Variants in AXIN1 observed in about 807,000 individuals in gnomAD.
AXIN1 encodes axin 1.
AXIN1 carries 30 observed loss-of-function variants against 76.4 expected under a neutral mutation model. The observed-to-expected ratio is 0.39, with a 90% CI of 0.29 to 0.53. AXIN1 has a LOEUF of 0.53. Ranked by LOEUF, AXIN1 falls within the 20% of genes least tolerant of loss-of-function variation. AXIN1 has a pLI of 0.66. For missense variants in AXIN1, 1,140 were observed against 1,198.8 expected (o/e 0.95, Z 0.72); for synonymous variants, 545 against 501.4 (o/e 1.09, Z -1.16).
In AXIN1 at chr16:334,146, A is replaced by G. The variant is rs200686945; in HGVS notation, c.878+12002T>C. 1.1e-3 allele frequency among the ~76,000 whole-genome samples: 165 copies of G among 150,244 alleles called. 1 individual carries two copies. Among genetic ancestry groups the G allele is most frequent in the East Asian group, 9.1e-3 (46 of 5,042 alleles). On this transcript the variant is annotated intron_variant, in intron 2 of 10. Coordinates refer to ENST00000262320, the MANE Select transcript of AXIN1 (RefSeq NM_003502.4). ...ACAGCACCCAGTACCACGGCATGCCAATAACACAGCACCCAGTACCATGGC... is the reference window on the plus strand; with the variant it reads ...ACAGCACCCAGTACCACGGCATGCCGATAACACAGCACCCAGTACCATGGC...
intron 2 of AXIN1, among the ~76,000 whole-genome samples, chr16:322,407 C>T (rs2053479270): frequency 6.6e-6 from 1 of 152,194 alleles, no homozygotes; most frequent in Admixed American, 6.5e-5. Context: ...CACCTGTGCT[C>T]AGGTATGGGG....
Position 352,516 on chromosome 16 carries a change from G to A in AXIN1, c.-229C>T. 1.3e-6 allele frequency: 1 copy of A among 744,392 alleles called. No homozygotes were observed. The highest frequency in any genetic ancestry group is 1.6e-6 in the Non-Finnish European group (1 of 612,922). The allele number at this position is 744,392 out of a possible 1,614,324, so 46.1% of individuals were successfully genotyped here. ...CCCATCTCGGCGGCTGCGGCTCGGC[G>A]GCCCGGAGGCGGACGCGGGGCAGGC... is the stretch of plus-strand genomic sequence containing the variant. On this transcript the variant is annotated 5_prime_UTR_variant, in exon 1 of 11. Transcript: ENST00000262320.
At chr16:324,587 C>T (rs1050767132) in intron 2 of AXIN1, among the ~76,000 whole-genome samples, 15 of 152,344 alleles carry the variant, frequency 9.8e-5, no homozygotes, top group South Asian at 2.1e-4. Context: ...GGTCAGTAGG[C>T]GCTTCCAGTG....
chr16:315,977 C>A lies in AXIN1; in HGVS notation c.879-1294G>T, dbSNP rs1011473084. Among the ~76,000 whole-genome samples, 3 of 151,422 alleles carry A rather than the reference C, an allele frequency of 2.0e-5. 1 individual carries two copies. The highest frequency in any genetic ancestry group is 4.9e-5 in the African/African-American group (2 of 41,170). On this transcript the variant is annotated intron_variant, in intron 2 of 10. Coordinates refer to ENST00000262320, the MANE Select transcript of AXIN1 (RefSeq NM_003502.4). The stretch of plus-strand genomic sequence containing the variant: ...CTGAGGCAAGAGAATCGCTTGAACC[C>A]GGGAGGCAGAGATTGCAGTAAGCTG...
At chr16:306,047 T>C (rs1279785331) in intron 4 of AXIN1, among the ~76,000 whole-genome samples, 1 of 152,110 alleles carries the variant, frequency 6.6e-6, no homozygotes, top group African/African-American at 2.4e-5. Flanking sequence ...CCCGTCCACC[T>C]TCACCCAGAT....
At chr16:301,363 G>A (rs1181452660) in intron 5 of AXIN1, among the ~76,000 whole-genome samples, 1 of 152,088 alleles carries the variant, frequency 6.6e-6, no homozygotes, top group Non-Finnish European at 1.5e-5. Context: ...GGTGGTGCTG[G>A]ATCCACACAC....
At position 291,188 on chromosome 16, in the gene AXIN1, ACT is replaced by A. The variant is rs2052548470; in HGVS notation, c.2294_2294+1del. On this transcript the variant is annotated splice_donor_variant and coding_sequence_variant, in exon 9 of 11. Transcript: ENST00000262320. LOFTEE classifies it high-confidence loss of function. ...CCGGGAGGACCCTCAGGACGCACGT[ACT>A]CTGTCTCGGAGAGCTCCATGTCCGA... is the stretch of plus-strand genomic sequence containing the variant. 1.9e-6 allele frequency: 3 copies of A among 1,577,326 alleles called. No homozygotes were observed. Among genetic ancestry groups the A allele is most frequent in the South Asian group, 1.2e-5 (1 of 86,508 alleles).
chr16:324,140 G>A (rs1476198322), intron 2 of AXIN1, among the ~76,000 whole-genome samples: 4 of 147,368 alleles, frequency 2.7e-5, no homozygotes, highest in African/African-American at 7.9e-5. Context: ...GCACTGACCA[G>A]CAGCCTCCAT....
chr16:328,062 A>T (rs1016647329), intron 2 of AXIN1, among the ~76,000 whole-genome samples: 2 of 152,140 alleles, frequency 1.3e-5, no homozygotes, highest in African/African-American at 4.8e-5. Flanking sequence ...CCTGAGTGAA[A>T]AGGCCAGACC....
intron 2 of AXIN1, among the ~76,000 whole-genome samples, chr16:342,830 C>T (rs2053956839): frequency 6.6e-6 from 1 of 152,252 alleles, no homozygotes; most frequent in Non-Finnish European, 1.5e-5. Context: ...GTCAGAATGG[C>T]ACAAAGCAAA....
Position 293,436 on chromosome 16 carries a change from G to T in AXIN1, c.2186+52C>A, listed in dbSNP as rs2141484157. On this transcript the variant is annotated intron_variant, in intron 8 of 10. Coordinates refer to ENST00000262320, the MANE Select transcript of AXIN1 (RefSeq NM_003502.4). This position sits in a 1 kb window ranked among gnomAD's most constrained non-coding sequence, Gnocchi z 4.6. ...GCCTCGGGGAGCTTCAGCCCCAGGA[G>T]TGGTGCTGTGGTAACCCCCAAGACC... 1 of 1,554,954 alleles carries T rather than the reference G, an allele frequency of 6.4e-7. No homozygotes were observed. The highest frequency in any genetic ancestry group is 1.4e-5 in the African/African-American group (1 of 73,848).
chr16:324,252 T>A (rs995994330), intron 2 of AXIN1, among the ~76,000 whole-genome samples: 1 of 141,254 alleles, frequency 7.1e-6, no homozygotes, highest in African/African-American at 2.9e-5. Context: ...GGCCACCTGC[T>A]CAAGGACGCC....
chr16:289,927 C>G, intron 9 of AXIN1: 1 of 491,990 alleles, frequency 2.0e-6, no homozygotes. Context: ...CTGCAGGGCT[C>G]CTATCTCAGG....
chr16:288,153 T>A lies in AXIN1; in HGVS notation c.2558A>T (p.Lys853Met), dbSNP rs2141459160. 6.2e-7 allele frequency: 1 copy of A among 1,613,582 alleles called. No homozygotes were observed. Among genetic ancestry groups the A allele is most frequent in the Non-Finnish European group, 8.5e-7 (1 of 1,180,000 alleles). ...CACCTTCTCCACTTTGCCGATGATC[T>A]TCTCCTCAAAGACGGGCAGGACGGC... The part of the protein sequence containing the change: ...DEAVLPVFEE[K>M]IIGKVEKVD The change falls in exon 11 of 11, where the codon AAG becomes ATG. Residue 853 changes from lysine to methionine, a missense_variant. Around this residue, in one of 3 missense-constraint regions of AXIN1, gnomAD observed 429 missense variants for 405.8 expected, o/e 1.06. Transcript: ENST00000262320.
chr16:333,821 A>C (rs1400053524), intron 2 of AXIN1, among the ~76,000 whole-genome samples: 1 of 151,880 alleles, frequency 6.6e-6, no homozygotes, highest in Non-Finnish European at 1.5e-5. Flanking sequence ...ACAGCATGCC[A>C]ATAACACAGC....
At position 344,443 on chromosome 16, in the gene AXIN1, A is replaced by AT. The variant is rs1313251716; in HGVS notation, c.878+1704_878+1705insA. ...AGACTCCATCTCAAAAAAAAAAAAA[A>AT]AATTAACCAATTAACCTACACAATC... On this transcript the variant is annotated intron_variant, in intron 2 of 10. Coordinates refer to ENST00000262320, the MANE Select transcript of AXIN1 (RefSeq NM_003502.4). Among the ~76,000 whole-genome samples the AT allele has an allele frequency of 2.8e-4, 43 of 151,178 alleles. 1 individual carries two copies. The highest frequency in any genetic ancestry group is 7.8e-4 in the East Asian group (4 of 5,152).
At chr16:310,612 G>T (rs935900774) in intron 3 of AXIN1, among the ~76,000 whole-genome samples, 2 of 152,154 alleles carry the variant, frequency 1.3e-5, no homozygotes, top group Admixed American at 6.5e-5. Flanking sequence ...TTAGCCAGGA[G>T]AGTCTCGATC....
intron 7 of AXIN1, among the ~76,000 whole-genome samples, chr16:294,495 C>A (rs114750672): frequency 0.018 from 2,705 of 146,460 alleles, 82 homozygotes; most frequent in African/African-American, 0.067. Flanking sequence ...TGGCCAGGCG[C>A]GGTAATCCCA....
chr16:313,726 C>G (rs938446827), intron 3 of AXIN1, among the ~76,000 whole-genome samples: 2 of 152,228 alleles, frequency 1.3e-5, no homozygotes, highest in Non-Finnish European at 2.9e-5. Flanking sequence ...CAGCCAGTGC[C>G]CTACTGCAAC....
Sources: allele counts gnomAD v4.1 joint callset (sites outside exome capture counted in the v4.1 genomes callset), GRCh38; gene constraint gnomAD v4.1.1; regional missense constraint gnomAD v4.1.1; non-coding constraint Gnocchi (gnomAD v3.1); transcripts MANE v1.5; gene names NCBI Gene and HGNC (gene_info 2026-07-23, HGNC 2026-07-21).